DNAH5: variants seen among roughly 807,000 people sequenced by gnomAD.
DNAH5 encodes axonemal beta dynein heavy chain 5.
Under a neutral mutation model 518.2 loss-of-function variants are expected in DNAH5, and 372 were observed. The ratio of observed to expected loss-of-function variants is 0.72; its 90% CI spans 0.66 to 0.78. The LOEUF is 0.78. DNAH5 is among the 30% of genes least tolerant of loss of function. DNAH5 has a pLI of 0.00. For missense variants in DNAH5, 5,523 were observed against 5,687.0 expected (o/e 0.97, Z 0.93); for synonymous variants, 2,039 against 2,025.9 (o/e 1.01, Z -0.17).
chr5:13,776,577 G>A lies in DNAH5; in HGVS notation c.9235C>T (p.Arg3079Ter), dbSNP rs1175877764. The change falls in exon 55 of 79, where the codon CGA (arginine) becomes TGA (stop). Residue 3079 changes from arginine to a stop codon, truncating the protein, a stop_gained. Transcript: ENST00000265104. LOFTEE classifies it high-confidence loss of function. ...NLHDYFMSRV[R>*]QNLHIVLCFS... ...CAGAGCACAATATGAAGGTTCTGTC[G>A]GACCCGACTCATGAAGTAGTCGTGC... 6 of 1,613,898 alleles carry A rather than the reference G, an allele frequency of 3.7e-6. No homozygotes were observed. The highest frequency in any genetic ancestry group is 5.1e-6 in the Non-Finnish European group (6 of 1,179,856).
intron 78 of DNAH5, among the ~76,000 whole-genome samples, chr5:13,694,020 C>T (rs1741036216): frequency 6.6e-6 from 1 of 152,116 alleles, no homozygotes; most frequent in Admixed American, 6.5e-5. Flanking sequence ...TCCTTTAATC[C>T]TAGGATCTTT....
At chr5:13,899,858 A>C in intron 15 of DNAH5, 1 of 274,996 alleles carries the variant, frequency 3.6e-6, no homozygotes, top group South Asian at 4.6e-5. Flanking sequence ...ACACTTCACA[A>C]ACAGGCTTCC....
At chr5:13,925,059 C>T (rs899943132) in intron 3 of DNAH5, among the ~76,000 whole-genome samples, 1 of 152,168 alleles carries the variant, frequency 6.6e-6, no homozygotes, top group Admixed American at 6.5e-5. Flanking sequence ...AATCCTCCCT[C>T]AGGGATCTTC....
chr5:13,722,904 C>T (rs1745244237), intron 70 of DNAH5, among the ~76,000 whole-genome samples: 1 of 152,176 alleles, frequency 6.6e-6, no homozygotes, highest in African/African-American at 2.4e-5. Flanking sequence ...GGGGAAAGAC[C>T]TCTACCTGGT....
At chr5:13,867,723 G>T in intron 25 of DNAH5, 51 bp downstream of exon 25, 1 of 1,359,230 alleles carries the variant, frequency 7.4e-7, no homozygotes, top group Non-Finnish European at 1.1e-6. Flanking sequence ...CATTTTGCAT[G>T]TTGTATTCAC....
At chr5:13,956,638 A>G (rs1171830805) in intron 1 of DNAH5, among the ~76,000 whole-genome samples, 1 of 152,206 alleles carries the variant, frequency 6.6e-6, no homozygotes, top group Non-Finnish European at 1.5e-5. Context: ...CCCTAGTTAG[A>G]CAGAAGAGAG....
At chr5:13,989,482 CTTT>C (rs34462296) in intron 1 of DNAH5, among the ~76,000 whole-genome samples, 31,638 of 128,094 alleles carry the variant, frequency 0.25, 3,202 homozygotes, top group East Asian at 0.54. Context: ...TAGAGGGAGA[CTTT>C]TTTTTTTTTT....
chr5:13,703,662 G>C (rs930897046), intron 76 of DNAH5, among the ~76,000 whole-genome samples: 2 of 152,132 alleles, frequency 1.3e-5, no homozygotes, highest in Non-Finnish European at 2.9e-5. Context: ...AGCCTGTTGG[G>C]AGGTGCCTTT....
chr5:13,983,498 C>T (rs1430722485), intron 1 of DNAH5, among the ~76,000 whole-genome samples: 3 of 152,222 alleles, frequency 2.0e-5, no homozygotes, highest in African/African-American at 7.2e-5. Flanking sequence ...TACACAAACA[C>T]ATTCCATCAG....
intron 65 of DNAH5, among the ~76,000 whole-genome samples, chr5:13,746,346 G>A (rs1054564152): frequency 1.3e-5 from 2 of 152,110 alleles, no homozygotes; most frequent in South Asian, 2.1e-4. Flanking sequence ...CTATTAACAG[G>A]TGAACTCAAA....
chr5:13,759,474 C>T (rs963446706), intron 60 of DNAH5, among the ~76,000 whole-genome samples: 1 of 152,082 alleles, frequency 6.6e-6, no homozygotes, highest in African/African-American at 2.4e-5. Context: ...GAACTATCTG[C>T]CTAGCAGGAC....
At position 13,762,855 on chromosome 5, in the gene DNAH5, C is replaced by T; in HGVS notation, c.10148G>A (p.Ser3383Asn). The T allele has an allele frequency of 6.2e-7, 1 of 1,614,010 alleles. No homozygotes were observed. Among genetic ancestry groups the T allele is most frequent in the African/African-American group, 1.3e-5 (1 of 75,058 alleles). The change falls in exon 60 of 79, where the codon AGT becomes AAT. Residue 3383 changes from serine to asparagine, a missense_variant. Around this residue, in one of 3 missense-constraint regions of DNAH5, gnomAD observed 5,121 missense variants for 5,223.3 expected, o/e 0.98. Coordinates refer to ENST00000265104, the MANE Select transcript of DNAH5 (RefSeq NM_001369.3). ...ATAGTCAGGCATTTCAAAGTAAGGA[C>T]TCAAAAATTCTATCACCTCTTCATT... Reference protein sequence around the residue: ...TINEEVIEFLSPYFEMPDYNI... With the variant: ...TINEEVIEFLNPYFEMPDYNI...
In DNAH5 at chr5:13,820,358, T is replaced by G; in HGVS notation, c.6829A>C (p.Arg2277=). 1 of 1,610,922 alleles carries G rather than the reference T, an allele frequency of 6.2e-7. No homozygotes were observed. Among genetic ancestry groups the G allele is most frequent in the Non-Finnish European group, 8.5e-7 (1 of 1,180,016 alleles). ...GKTTCIHTLM[R]AMTDCGKPHR... is the part of the protein sequence containing the mutation. ...GGCTGCCCTGTACCTGTCATGGCTCTCATCAAGGTGTGGATGCAGGTGGTC... is the reference window on the plus strand; with the variant it reads ...GGCTGCCCTGTACCTGTCATGGCTCGCATCAAGGTGTGGATGCAGGTGGTC... The change falls in exon 41 of 79, where the codon AGA becomes CGA. Residue 2277 remains arginine, a synonymous_variant. Transcript: ENST00000265104.
At chr5:13,852,386 C>T (rs1243557564) in intron 30 of DNAH5, among the ~76,000 whole-genome samples, 2 of 152,122 alleles carry the variant, frequency 1.3e-5, no homozygotes, top group East Asian at 3.9e-4. Flanking sequence ...AGGCTGGTCT[C>T]GAACTCCCGA....
chr5:13,918,067 G>T (rs1776835583), intron 7 of DNAH5, among the ~76,000 whole-genome samples: 1 of 152,170 alleles, frequency 6.6e-6, no homozygotes, highest in Non-Finnish European at 1.5e-5. Flanking sequence ...ATCATGGGCT[G>T]AATCTAGTGA....
chr5:13,949,863 G>A (rs1193171193), intron 1 of DNAH5, among the ~76,000 whole-genome samples: 3 of 152,138 alleles, frequency 2.0e-5, no homozygotes, highest in Admixed American at 1.3e-4. Context: ...AGGACGTTAC[G>A]CTTCTGATCC....
At chr5:13,843,641 A>T (rs1242439171) in intron 32 of DNAH5, among the ~76,000 whole-genome samples, 1 of 152,108 alleles carries the variant, frequency 6.6e-6, no homozygotes, top group Non-Finnish European at 1.5e-5. Flanking sequence ...TCCCTCACAC[A>T]TCCACGCTGC....
intron 1 of DNAH5, among the ~76,000 whole-genome samples, chr5:13,966,239 C>T (rs1374606837): frequency 6.6e-6 from 1 of 151,882 alleles, no homozygotes; most frequent in Non-Finnish European, 1.5e-5. Flanking sequence ...ATATATATCA[C>T]ATTTTCTTTA....
At chr5:13,928,261 G>A in intron 2 of DNAH5, 83 bp from the exon 3 acceptor site, 1 of 1,028,164 alleles carries the variant, frequency 9.7e-7, no homozygotes, top group South Asian at 1.3e-5. Context: ...ATATAAAAAA[G>A]GAAAATTTAC....
Sources: allele counts gnomAD v4.1 joint callset (sites outside exome capture counted in the v4.1 genomes callset), GRCh38; gene constraint gnomAD v4.1.1; regional missense constraint gnomAD v4.1.1; transcripts MANE v1.5; gene names NCBI Gene and HGNC (gene_info 2026-07-23, HGNC 2026-07-21).